Variants in MYO9A observed in about 807,000 individuals in gnomAD.
MYO9A encodes unconventional myosin-IXa.
Under a neutral mutation model 293.3 loss-of-function variants are expected in MYO9A, and 103 were observed. The ratio of observed to expected loss-of-function variants is 0.35; its 90% CI spans 0.30 to 0.41. The LOEUF (loss-of-function observed/expected upper bound fraction) is 0.41, where lower values mean the gene tolerates loss of function less well. Among genes scored for constraint, MYO9A ranks in the 10% least tolerant of loss-of-function variants. The probability of loss-of-function intolerance (pLI) is 1.00; values close to 1 mark genes in which losing one functional copy is unlikely to be tolerated. For missense variants in MYO9A, 2,685 were observed against 3,033.0 expected (o/e 0.89, Z 2.69); for synonymous variants, 1,001 against 1,035.7 (o/e 0.97, Z 0.64).
chr15:72,035,635 T>G (rs2078022342), intron 2 of MYO9A, among the ~76,000 whole-genome samples: 1 of 152,064 alleles, frequency 6.6e-6, no homozygotes, highest in African/African-American at 2.4e-5. Flanking sequence ...AGACCTCATC[T>G]CTACAAAAAG....
chr15:71,991,349 G>A, intron 10 of MYO9A, 112 bp from the exon 11 acceptor site: 2 of 758,674 alleles, frequency 2.6e-6, no homozygotes, highest in Non-Finnish European at 4.0e-6. Context: ...GTGTACAGGG[G>A]ATTGTGTTTG....
rs186612316 is a variant in MYO9A at position 71,888,069 on chromosome 15, C to T, written c.5190G>A (p.Lys1730=). The T allele has an allele frequency of 2.0e-5, 33 of 1,610,846 alleles. No homozygotes were observed. The Admixed American group carries it at 5.5e-4, about 27-fold the overall frequency. ...TGGTAATCTCTCCTTGAGACATAGT[C>T]TTATGAAGTTTTGCTTGTTCATCAA... ...SSVDEQAKLH[K]TMSQGEITKL... Residue 1730 remains lysine, a synonymous_variant, in exon 27 of 42, where the codon AAG becomes AAA. Transcript: ENST00000356056.
chr15:72,071,042 A>T (rs1184173166), intron 1 of MYO9A, among the ~76,000 whole-genome samples: 1 of 152,240 alleles, frequency 6.6e-6, no homozygotes, highest in Non-Finnish European at 1.5e-5. Context: ...AATAAAACCA[A>T]AAACTGACAA....
intron 1 of MYO9A, among the ~76,000 whole-genome samples, chr15:72,083,185 T>C (rs1245293288): frequency 6.6e-6 from 1 of 152,138 alleles, no homozygotes; most frequent in African/African-American, 2.4e-5. Context: ...TTATTACTGA[T>C]TCAACTTCAA....
At chr15:72,024,045 A>G (rs912373540) in intron 4 of MYO9A, among the ~76,000 whole-genome samples, 1 of 152,218 alleles carries the variant, frequency 6.6e-6, no homozygotes, top group African/African-American at 2.4e-5. Context: ...GAAAGGAAAA[A>G]AAAATTGTCA....
At chr15:71,993,153 C>A (rs1410003992) in intron 10 of MYO9A, among the ~76,000 whole-genome samples, 1 of 152,038 alleles carries the variant, frequency 6.6e-6, no homozygotes, top group Non-Finnish European at 1.5e-5. Context: ...GTGTTCGAGA[C>A]CAGCCTGGCC....
At chr15:71,841,961 C>T (rs1212451190) in intron 39 of MYO9A, among the ~76,000 whole-genome samples, 1 of 152,058 alleles carries the variant, frequency 6.6e-6, no homozygotes, top group Non-Finnish European at 1.5e-5. Flanking sequence ...ATAGATGAGG[C>T]AGTCCTACAT....
At chr15:71,976,977 A>G (rs1244244147) in intron 12 of MYO9A, among the ~76,000 whole-genome samples, 1 of 152,220 alleles carries the variant, frequency 6.6e-6, no homozygotes, top group Admixed American at 6.5e-5. Flanking sequence ...TTTACTAAAC[A>G]GTCATAAAAA....
At chr15:72,081,842 G>T (rs967182372) in intron 1 of MYO9A, among the ~76,000 whole-genome samples, 1 of 152,132 alleles carries the variant, frequency 6.6e-6, no homozygotes, top group Non-Finnish European at 1.5e-5. Flanking sequence ...TTGAAGGTCA[G>T]ATGGTTGTAG....
chr15:72,058,886 T>C (rs751715932), intron 1 of MYO9A, among the ~76,000 whole-genome samples: 1 of 152,214 alleles, frequency 6.6e-6, no homozygotes, highest in Non-Finnish European at 1.5e-5. Flanking sequence ...AATTAAAAAG[T>C]ACCTAAGGAT....
At chr15:71,879,931 G>A in intron 29 of MYO9A, 94 bp from the exon 30 acceptor site, 1 of 848,512 alleles carries the variant, frequency 1.2e-6, no homozygotes, top group Non-Finnish European at 1.9e-6. Flanking sequence ...CACAATGACT[G>A]TCCTCAAAGT....
At chr15:72,067,584 A>C (rs1473054665) in intron 1 of MYO9A, among the ~76,000 whole-genome samples, 3 of 152,118 alleles carry the variant, frequency 2.0e-5, no homozygotes, top group Non-Finnish European at 4.4e-5. Context: ...CCCAGCCTCC[A>C]ATATTTATTT....
intron 27 of MYO9A, among the ~76,000 whole-genome samples, chr15:71,884,800 C>T (rs1166470066): frequency 6.6e-6 from 1 of 152,026 alleles, no homozygotes; most frequent in East Asian, 1.9e-4. Context: ...GTGACAGGTA[C>T]TATGCCTTAT....
At chr15:72,065,742 A>G (rs2079003207) in intron 1 of MYO9A, among the ~76,000 whole-genome samples, 1 of 152,160 alleles carries the variant, frequency 6.6e-6, no homozygotes, top group African/African-American at 2.4e-5. Flanking sequence ...TTTTGTAAAA[A>G]CAGCTAAAAA....
intron 1 of MYO9A, among the ~76,000 whole-genome samples, chr15:72,103,517 G>C (rs2080460469): frequency 6.6e-6 from 1 of 151,330 alleles, no homozygotes; most frequent in Non-Finnish European, 1.5e-5. Flanking sequence ...AGCAGAAGCA[G>C]CAGAAGCAGT....
chr15:72,034,525 C>A (rs2077981789), intron 2 of MYO9A, among the ~76,000 whole-genome samples: 1 of 152,148 alleles, frequency 6.6e-6, no homozygotes, highest in Admixed American at 6.5e-5. Flanking sequence ...ATCACCGAAC[C>A]ATCTGCAAAC....
chr15:72,007,937 G>C lies in MYO9A; in HGVS notation c.1269C>G (p.Leu423=), dbSNP rs762986806. ...PKTRRQIFSL[L]SAILHLGNIC... is the part of the protein sequence containing the mutation. ...TATTACCCAAATGTAGTATGGCTGA[G>C]AGAAGAGAGAAAATCCTGGGAAAAT... The change falls in exon 8 of 42, where the codon CTC becomes CTG. Residue 423 remains leucine (L), a synonymous_variant. Coordinates refer to ENST00000356056, the MANE Select transcript of MYO9A (RefSeq NM_006901.4). 4.3e-6 allele frequency: 7 copies of C among 1,609,728 alleles called. No individual in the cohort carries two copies. The South Asian group carries it at 6.7e-5, about 15-fold the overall frequency.
chr15:72,035,217 CA>C (rs2078006007), intron 2 of MYO9A, among the ~76,000 whole-genome samples: 1 of 152,170 alleles, frequency 6.6e-6, no homozygotes, highest in Non-Finnish European at 1.5e-5. Context: ...AAAAGTAAAA[CA>C]TTCACAGAAA....
intron 1 of MYO9A, among the ~76,000 whole-genome samples, chr15:72,081,051 T>C (rs1176015658): frequency 6.6e-6 from 1 of 152,138 alleles, no homozygotes; most frequent in Non-Finnish European, 1.5e-5. Flanking sequence ...GTCTTTAGGA[T>C]AGAATGATTT....
Sources: allele counts gnomAD v4.1 joint callset (sites outside exome capture counted in the v4.1 genomes callset), GRCh38; gene constraint gnomAD v4.1.1; transcripts MANE v1.5; gene names NCBI Gene and HGNC (gene_info 2026-07-23, HGNC 2026-07-21).